The following LRIG3 variants were observed in gnomAD, a reference collection of about 807,000 sequenced individuals.
LRIG3 encodes the protein leucine rich repeats and immunoglobulin like domains 3, also known as leucine-rich repeats and immunoglobulin-like domains protein 3.
LRIG3 carries 76 observed loss-of-function variants against 114.5 expected under a neutral mutation model. That is an observed-to-expected ratio of 0.66 (90% CI 0.55 to 0.80). LRIG3 has a LOEUF of 0.80. Ranked by LOEUF, LRIG3 falls within the 30% of genes least tolerant of loss-of-function variation. The pLI, the probability that LRIG3 is intolerant of heterozygous loss-of-function variation, is 0.00. For missense variants in LRIG3, 1,239 were observed against 1,382.8 expected (o/e 0.90, Z 1.65); for synonymous variants, 512 against 519.8 (o/e 0.98, Z 0.20).
intron 6 of LRIG3, 91 bp from the exon 7 acceptor site, chr12:58,888,563 C>G: frequency 6.7e-7 from 1 of 1,492,410 alleles, no homozygotes; most frequent in Non-Finnish European, 9.1e-7. Flanking sequence ...ATTACAGATT[C>G]CTATTGTTAT....
chr12:58,902,936 A>G (rs978666374), intron 3 of LRIG3, among the ~76,000 whole-genome samples: 6 of 152,114 alleles, frequency 3.9e-5, no homozygotes, highest in Non-Finnish European at 7.4e-5. Context: ...TCCATGGTGT[A>G]TATGTGCCAC....
In LRIG3 at chr12:58,915,956, C is replaced by T. The variant is rs186708611; in HGVS notation, c.237-1620G>A. On this transcript the variant is annotated intron_variant, in intron 1 of 18. Coordinates refer to ENST00000320743, the MANE Select transcript of LRIG3 (RefSeq NM_153377.5). ...GAAAGTCTCATTTGGACCCACTTAA[C>T]TAAAGAGCATTGAGCCAGCGTAAAA... is the stretch of plus-strand genomic sequence containing the variant. Among the ~76,000 whole-genome samples, 48 of 152,274 alleles carry T rather than the reference C, an allele frequency of 3.2e-4. No homozygotes were observed. The East Asian group carries it at 8.7e-3, about 28-fold the overall frequency.
At chr12:58,896,740 CA>C (rs1340087354) in intron 3 of LRIG3, among the ~76,000 whole-genome samples, 1 of 152,210 alleles carries the variant, frequency 6.6e-6, no homozygotes, top group African/African-American at 2.4e-5. Context: ...AAGTCCAATT[CA>C]GTGATTGCAA....
chr12:58,880,883 T>C lies in LRIG3; in HGVS notation c.1499A>G (p.Gln500Arg), dbSNP rs1871106938. The change falls in exon 13 of 19, where the codon CAG (glutamine) becomes CGG (arginine). Residue 500 changes from glutamine (Q) to arginine (R), a missense_variant. Transcript: ENST00000320743. ...GFVCDDFPKP[Q>R]ITVQPETQSA... is the part of the protein sequence containing the mutation. ...CTGTGTTTCTGGCTGAACCGTGATC[T>C]GGGGTTTGGGAAAATCATCTGTTAA... 1.2e-6 allele frequency: 2 copies of C among 1,611,632 alleles called. No homozygotes were observed. Among genetic ancestry groups the C allele is most frequent in the Admixed American group, 1.7e-5 (1 of 59,948 alleles).
chr12:58,909,791 G>A (rs1872209058), intron 3 of LRIG3, among the ~76,000 whole-genome samples: 1 of 152,214 alleles, frequency 6.6e-6, no homozygotes. Context: ...CACCTGACTT[G>A]AGCTTTACTT....
intron 1 of LRIG3, among the ~76,000 whole-genome samples, chr12:58,917,488 G>A (rs898504663): frequency 5.3e-5 from 8 of 152,072 alleles, no homozygotes; most frequent in East Asian, 3.9e-4. Flanking sequence ...ACAAAGTCTC[G>A]CTCACATAGT....
chr12:58,879,200 A>G, intron 13 of LRIG3, 95 bp from the exon 14 acceptor site: 1 of 1,369,536 alleles, frequency 7.3e-7, no homozygotes, highest in Non-Finnish European at 9.8e-7. Flanking sequence ...TTTGATACTT[A>G]CAGATTGTCC....
Position 58,920,026 on chromosome 12 carries a change from C to T in LRIG3, c.210G>A (p.Glu70=). 1.3e-6 allele frequency: 2 copies of T among 1,551,466 alleles called. No homozygotes were observed. The highest frequency in any genetic ancestry group is 1.7e-6 in the Non-Finnish European group (2 of 1,147,682). ...GCCGAGCGACCCAGGACGGGAGTGGCTCGGGAAGACGCGCTAGCCGCTTAC... is the reference window on the plus strand; with the variant it reads ...GCCGAGCGACCCAGGACGGGAGTGGTTCGGGAAGACGCGCTAGCCGCTTAC... ...CSRKRLARLP[E]PLPSWVARLD... is the part of the protein sequence containing the mutation. Residue 70 remains glutamate, a synonymous_variant, in exon 1 of 19, where the codon GAG becomes GAA. Coordinates refer to ENST00000320743, the MANE Select transcript of LRIG3 (RefSeq NM_153377.5).
chr12:58,887,740 T>A (rs1437840374), intron 8 of LRIG3, 49 bp downstream of exon 8: 2 of 1,594,854 alleles, frequency 1.3e-6, no homozygotes, highest in East Asian at 4.5e-5. Context: ...AGTGGGCATA[T>A]TTAGGAACCA....
At chr12:58,910,222 T>A (rs189680192) in intron 3 of LRIG3, among the ~76,000 whole-genome samples, 527 of 152,298 alleles carry the variant, frequency 3.5e-3, no homozygotes, top group Middle Eastern at 0.02. Flanking sequence ...TTATGCAATA[T>A]CTGATAAGAA....
In LRIG3 at chr12:58,874,422, C is replaced by G; in HGVS notation, c.2839+8G>C. The G allele has an allele frequency of 6.2e-7, 1 of 1,614,008 alleles. No homozygotes were observed. Among genetic ancestry groups the G allele is most frequent in the Non-Finnish European group, 8.5e-7 (1 of 1,179,972 alleles). On this transcript the variant is annotated splice_region_variant and intron_variant, in intron 17 of 18. Coordinates refer to ENST00000320743, the MANE Select transcript of LRIG3 (RefSeq NM_153377.5). ...ACAGAACTGTACTCAAGCAAGAAAA[C>G]CACCTACCTGTATGATATGTTTCAA...
intron 16 of LRIG3, 113 bp from the exon 17 acceptor site, chr12:58,874,686 T>C (rs1870858007): frequency 2.8e-6 from 4 of 1,415,988 alleles, no homozygotes; most frequent in Non-Finnish European, 1.9e-6. Flanking sequence ...GAACATCATA[T>C]AGACAAAAAA....
In LRIG3 at chr12:58,874,590, T is replaced by G. The variant is rs1592291688; in HGVS notation, c.2696-17A>C. 1.2e-6 allele frequency: 2 copies of G among 1,613,050 alleles called. No homozygotes were observed. Among genetic ancestry groups the G allele is most frequent in the Non-Finnish European group, 1.7e-6 (2 of 1,179,602 alleles). On this transcript the variant is annotated splice_polypyrimidine_tract_variant and intron_variant, in intron 16 of 18. Transcript: ENST00000320743. ...GGCAGGTCCCTTTGAAACAAAAATC[T>G]TAGTCAATGATCCAATTATTCAAGT... is the stretch of plus-strand genomic sequence containing the variant.
intron 3 of LRIG3, among the ~76,000 whole-genome samples, chr12:58,897,853 C>T (rs1040757335): frequency 3.9e-5 from 6 of 152,110 alleles, no homozygotes; most frequent in African/African-American, 1.4e-4. Flanking sequence ...GGGGCAGAGG[C>T]CTTCCACCGT....
chr12:58,886,064 T>G (rs960599874), intron 9 of LRIG3, among the ~76,000 whole-genome samples, 162 bp from the exon 10 acceptor site: 1 of 152,312 alleles, frequency 6.6e-6, no homozygotes, highest in East Asian at 1.9e-4. Flanking sequence ...ATTTCAATAA[T>G]GTAGTCGAAC....
At chr12:58,881,484 A>G (rs1456883807) in intron 12 of LRIG3, among the ~76,000 whole-genome samples, 1 of 151,912 alleles carries the variant, frequency 6.6e-6, no homozygotes, top group Non-Finnish European at 1.5e-5. Context: ...ACTGTAAGAC[A>G]CTGGCTTCAG....
intron 3 of LRIG3, among the ~76,000 whole-genome samples, chr12:58,904,906 A>G (rs549799691): frequency 2.6e-5 from 4 of 152,338 alleles, no homozygotes; most frequent in Admixed American, 2.6e-4. Context: ...ATGAGTAAAA[A>G]ATACAATTAC....
At chr12:58,874,844 C>A (rs1231006764) in intron 16 of LRIG3, among the ~76,000 whole-genome samples, 1 of 152,200 alleles carries the variant, frequency 6.6e-6, no homozygotes, top group Non-Finnish European at 1.5e-5. Flanking sequence ...ATGGTCTAAA[C>A]CACATACCAT....
Position 58,872,392 on chromosome 12 carries a change from G to T in LRIG3, c.*180C>A. The T allele has an allele frequency of 2.0e-6, 1 of 502,366 alleles. No homozygotes were observed. Among genetic ancestry groups the T allele is most frequent in the Non-Finnish European group, 3.2e-6 (1 of 312,360 alleles). 31.1% of individuals were successfully genotyped at this position (502,366 alleles called of 1,614,324 possible). Reference sequence around the variant, plus strand: ...AGTTTAAAAAGGTATTCTTATATGAGCATCATTCCCAGTATAAAAATTTTC... The same window carrying T: ...AGTTTAAAAAGGTATTCTTATATGATCATCATTCCCAGTATAAAAATTTTC... On this transcript the variant is annotated 3_prime_UTR_variant, in exon 19 of 19. Coordinates refer to ENST00000320743, the MANE Select transcript of LRIG3 (RefSeq NM_153377.5).
Sources: allele counts gnomAD v4.1 joint callset (sites outside exome capture counted in the v4.1 genomes callset), GRCh38; gene constraint gnomAD v4.1.1; transcripts MANE v1.5; gene names NCBI Gene and HGNC (gene_info 2026-07-23, HGNC 2026-07-21).